Variants in CDK11A observed in about 807,000 individuals in gnomAD.
The protein encoded by CDK11A is cyclin dependent kinase 11A, also known as cyclin-dependent kinase 11A.
A neutral mutation model predicts 83.6 loss-of-function variants in CDK11A; 55 were observed. That is an observed-to-expected ratio of 0.66 (90% confidence interval 0.53 to 0.82). The LOEUF (loss-of-function observed/expected upper bound fraction) is 0.82, where lower values mean the gene tolerates loss of function less well. Ranked by LOEUF, CDK11A falls within the 40% of genes least tolerant of loss-of-function variation. The pLI, the probability that CDK11A is intolerant of heterozygous loss-of-function variation, is 0.00. For missense variants in CDK11A, 564 were observed against 810.1 expected, an observed-to-expected ratio of 0.70 and a Z score of 3.69; for synonymous variants, 247 against 302.7, an observed-to-expected ratio of 0.82 and a Z score of 1.91.
At chr1:1,715,201 G>T in intron 5 of CDK11A, among the ~76,000 whole-genome samples, 1 of 111,236 alleles carries the variant, frequency 9.0e-6, no homozygotes. Flanking sequence ...TTTCCTTTTT[G>T]TCAGAGACAA....
At position 1,714,743 on chromosome 1, in the gene CDK11A, A is replaced by G. The variant is rs1376848971; in HGVS notation, c.488+1603T>C. 3.8e-3 allele frequency among the ~76,000 whole-genome samples: 524 copies of G among 136,626 alleles called. 12 individuals are homozygous for G. The highest frequency in any genetic ancestry group is 0.013 in the African/African-American group (495 of 38,586). The allele number at this position is 136,626 out of a possible 152,430, so 89.6% of individuals were successfully genotyped here. ...ACGGCTGTGTGTGGACAGGGAGCAC[A>G]CTGAACGTTCAGGCGTCATTCGCAT... On this transcript the variant is annotated intron_variant, in intron 5 of 19. Coordinates refer to ENST00000404249, the MANE Select transcript of CDK11A (RefSeq NM_024011.4).
intron 4 of CDK11A, among the ~76,000 whole-genome samples, chr1:1,718,255 G>A (rs371073978): frequency 1.6e-5 from 2 of 122,660 alleles, no homozygotes; most frequent in African/African-American, 6.3e-5. Flanking sequence ...GCTTTCAGGT[G>A]GAGTTTGCTC....
rs369296379 is a variant in CDK11A, at chr1:1,704,339, C to T, written c.1570G>A (p.Val524Met). 3.9e-5 allele frequency: 62 copies of T among 1,607,134 alleles called. 2 individuals are homozygous for T. Among genetic ancestry groups the T allele is most frequent in the Non-Finnish European group, 5.0e-5 (59 of 1,176,128 alleles). ...AGCAGCTGGATCATCAGGGTCTTCA[C>T]CTCCCCTGGGAGGGAGGGAGGCTCC... ...TMKQPFLPGE[V>M]KTLMIQLLRG... The change falls in exon 15 of 20, where the codon GTG (valine) becomes ATG (methionine). Residue 524 changes from valine (V) to methionine (M), a missense_variant. This residue lies in a region of CDK11A where 361 missense variants were observed against 402.7 expected (regional missense o/e 0.90). Transcript: ENST00000404249.
chr1:1,718,277 C>T (rs112826437), intron 4 of CDK11A, among the ~76,000 whole-genome samples: 15 of 145,686 alleles, frequency 1.0e-4, no homozygotes, highest in Admixed American at 8.3e-4. Flanking sequence ...CTCTGGTTTT[C>T]GGTCTGTGAC....
intron 14 of CDK11A, 29 bp downstream of exon 14, chr1:1,704,521 G>C: frequency 6.3e-7 from 1 of 1,598,376 alleles, no homozygotes; most frequent in Non-Finnish European, 8.5e-7. Context: ...CCACTTGTAC[G>C]CAGACAGGAC....
Position 1,703,521 on chromosome 1 carries a change from C to A in CDK11A, c.2015G>T (p.Arg672Leu). The A allele has an allele frequency of 3.9e-6, 6 of 1,556,568 alleles. No individual in the cohort carries two copies. Among genetic ancestry groups the A allele is most frequent in the Non-Finnish European group, 5.2e-6 (6 of 1,160,646 alleles). Residue 672 changes from arginine (R) to leucine (L), a missense_variant, in exon 18 of 20, where the codon CGC becomes CTC. This residue lies in a region of CDK11A where 361 missense variants were observed against 402.7 expected (regional missense o/e 0.90). Coordinates refer to ENST00000404249, the MANE Select transcript of CDK11A (RefSeq NM_024011.4). ...CTGGTCTGAGAGCAGAGCCCCGAAG[C>A]GCTTGCGGAGGTTGTTGTAGGGGTG... ...SEHPYNNLRK[R>L]FGALLSDQGF...
rs1644910731 is a variant in CDK11A, at chr1:1,721,644, A to C, written c.179T>G (p.Ile60Ser). 1 of 1,606,038 alleles carries C rather than the reference A, an allele frequency of 6.2e-7. No individual in the cohort carries two copies. The change falls in exon 3 of 20, where the codon ATC becomes AGC. Residue 60 changes from isoleucine (I) to serine (S), a missense_variant. Ile to Ser is a moderately radical substitution (Grantham distance 142). Transcript: ENST00000404249. ...TCTATACGGGGAGTTCCTTATTGTGATCTCCATGCAGTGATCTCTCAGCTC... is the reference window on the plus strand; with the variant it reads ...TCTATACGGGGAGTTCCTTATTGTGCTCTCCATGCAGTGATCTCTCAGCTC... The part of the protein sequence containing the change: ...EGELRDHCME[I>S]TIRNSPYRRE...
chr1:1,721,588 C>T lies in CDK11A; in HGVS notation c.227+8G>A, dbSNP rs770387234. On this transcript the variant is annotated splice_region_variant and intron_variant, in intron 3 of 19. Coordinates refer to ENST00000404249, the MANE Select transcript of CDK11A (RefSeq NM_024011.4). ...AGTTGGGTCTTGCACATCTGTACAT[C>T]CGCTCACCTGTCTTCCATTGAGTCT... 30 of 1,605,284 alleles carry T rather than the reference C, an allele frequency of 1.9e-5. 2 individuals carry two copies. The South Asian group carries it at 3.3e-4, about 18-fold the overall frequency.
At chr1:1,710,767 G>T (rs1378603974) in intron 6 of CDK11A, among the ~76,000 whole-genome samples, 1 of 144,060 alleles carries the variant, frequency 6.9e-6, no homozygotes, top group East Asian at 2.1e-4. Context: ...GAACACGACG[G>T]AAATATCAAC....
chr1:1,703,417 G>A (rs895483612), intron 18 of CDK11A, 59 bp downstream of exon 18: 13 of 1,355,750 alleles, frequency 9.6e-6, no homozygotes, highest in Admixed American at 2.3e-5. Flanking sequence ...GTAGGCCTGG[G>A]ACTGGGAAGT....
intron 4 of CDK11A, among the ~76,000 whole-genome samples, chr1:1,717,032 A>G (rs1644689608): frequency 6.9e-6 from 1 of 144,796 alleles, no homozygotes; most frequent in Non-Finnish European, 1.5e-5. Context: ...CTGGGATTAC[A>G]GGCCTGGGCC....
intron 3 of CDK11A, among the ~76,000 whole-genome samples, chr1:1,719,661 G>A (rs1644828670): frequency 1.4e-5 from 2 of 148,138 alleles, no homozygotes; most frequent in South Asian, 2.1e-4. Flanking sequence ...TGTCACCCAG[G>A]CTGGAGTGTA....
rs1644918132 is a variant in CDK11A, at chr1:1,721,849, A to G, written c.112-138T>C. On this transcript the variant is annotated intron_variant, in intron 2 of 19. Coordinates refer to ENST00000404249, the MANE Select transcript of CDK11A (RefSeq NM_024011.4). ...CATGTACTCTGAATGAGCCAGTGTT[A>G]TAAAATATAAAGAATTTTTGGCCAG... 12 of 1,262,442 alleles carry G rather than the reference A, an allele frequency of 9.5e-6. No individual in the cohort carries two copies. The South Asian group carries it at 1.9e-4, about 20-fold the overall frequency. 78.2% of individuals were successfully genotyped at this position (1,262,442 alleles called of 1,614,324 possible).
rs1644129354 is a variant in CDK11A, at chr1:1,702,646, A to C, written c.*261T>G. 1.8e-6 allele frequency: 1 copy of C among 554,394 alleles called. No individual in the cohort carries two copies. Among genetic ancestry groups the C allele is most frequent in the African/African-American group, 1.9e-5 (1 of 53,122 alleles). 34.3% of individuals were successfully genotyped at this position (554,394 alleles called of 1,614,324 possible). A position where few individuals can be genotyped will look rare whatever the true frequency, so the allele number is the denominator to read the frequency against. ...CCCAGCCAGCCCCGTGCGTGTCGAG[A>C]GTGGGAGAGGGTGTGTGGAGGTTTG... On this transcript the variant is annotated 3_prime_UTR_variant, in exon 20 of 20. Transcript: ENST00000404249.
intron 6 of CDK11A, among the ~76,000 whole-genome samples, 170 bp downstream of exon 6, chr1:1,712,094 C>T (rs1469475466): frequency 1.1e-5 from 1 of 93,472 alleles, no homozygotes. Flanking sequence ...CGCGCCACCG[C>T]ACTCCAGCCT....
chr1:1,707,650 G>A lies in CDK11A; in HGVS notation c.1070-66C>T, dbSNP rs1644368770. The A allele has an allele frequency of 1.3e-5, 16 of 1,192,010 alleles. 3 individuals are homozygous for A. The highest frequency in any genetic ancestry group is 1.0e-4 in the East Asian group (4 of 39,550). 73.8% of individuals were successfully genotyped at this position (1,192,010 alleles called of 1,614,324 possible). A position where few individuals can be genotyped will look rare whatever the true frequency, so the allele number is the denominator to read the frequency against. On this transcript the variant is annotated intron_variant, in intron 10 of 19. Coordinates refer to ENST00000404249, the MANE Select transcript of CDK11A (RefSeq NM_024011.4). ...AGGATCATGAACCTCCTCCTGCCCC[G>A]GGGGCATCAAGCGCGTGGCAGGGCT...
intron 3 of CDK11A, 87 bp from the exon 4 acceptor site, chr1:1,719,542 A>T: frequency 8.9e-7 from 1 of 1,118,108 alleles, no homozygotes; most frequent in East Asian, 2.9e-5. Context: ...AACCCAGAAA[A>T]ATGCATGATT....
intron 4 of CDK11A, among the ~76,000 whole-genome samples, chr1:1,718,906 G>T (rs1644786911): frequency 6.7e-6 from 1 of 150,054 alleles, no homozygotes; most frequent in South Asian, 2.1e-4. Context: ...AAAGTGCTGG[G>T]ATTACAGGCT....
In CDK11A at chr1:1,719,867, G is replaced by A. The variant is rs1644837891; in HGVS notation, c.228-412C>T. Among the ~76,000 whole-genome samples the A allele has an allele frequency of 2.7e-5, 4 of 150,282 alleles. 1 individual carries two copies. Among genetic ancestry groups the A allele is most frequent in the Admixed American group, 1.3e-4 (2 of 14,960 alleles). On this transcript the variant is annotated intron_variant, in intron 3 of 19. Coordinates refer to ENST00000404249, the MANE Select transcript of CDK11A (RefSeq NM_024011.4). ...CCTAACCTGGTGATCTGCCTGCCTC[G>A]GCTTCCCAAAGTGCTGGGATTACAG...
Sources: allele counts gnomAD v4.1 joint callset (sites outside exome capture counted in the v4.1 genomes callset), GRCh38; gene constraint gnomAD v4.1.1; regional missense constraint gnomAD v4.1.1; transcripts MANE v1.5; gene names NCBI Gene and HGNC (gene_info 2026-07-23, HGNC 2026-07-21).